RSPO4: variants seen among roughly 807,000 people sequenced by gnomAD.
The protein encoded by RSPO4 is R-spondin-4.
Under a neutral mutation model 24.8 loss-of-function variants are expected in RSPO4, and 23 were observed. That is an observed-to-expected ratio of 0.93 (90% confidence interval 0.67 to 1.31). The LOEUF is 1.31. RSPO4 is among the 40% of genes most tolerant of loss of function. RSPO4 has a pLI of 0.00. For missense variants in RSPO4, 333 were observed against 316.5 expected, an observed-to-expected ratio of 1.05 and a Z score of -0.39; for synonymous variants, 141 against 127.4, an observed-to-expected ratio of 1.11 and a Z score of -0.72.
chr20:963,909 C>A, intron 4 of RSPO4, 26 bp downstream of exon 4: 2 of 1,611,860 alleles, frequency 1.2e-6, no homozygotes, highest in East Asian at 2.2e-5. Context: ...CCCACCGCAG[C>A]CTCGTGTGCC....
chr20:989,404 A>G (rs1041577603), intron 1 of RSPO4, among the ~76,000 whole-genome samples: 3 of 152,188 alleles, frequency 2.0e-5, no homozygotes, highest in African/African-American at 7.2e-5. Flanking sequence ...TAACCTGCGG[A>G]GCACCTGGCT....
intron 1 of RSPO4, among the ~76,000 whole-genome samples, chr20:983,139 C>T (rs1027283861): frequency 8.5e-5 from 13 of 152,220 alleles, no homozygotes; most frequent in African/African-American, 2.9e-4. Flanking sequence ...TGCAAACGAC[C>T]TTCTTCACTT....
intron 4 of RSPO4, among the ~76,000 whole-genome samples, chr20:961,456 G>A (rs903920010): frequency 1.3e-5 from 2 of 152,176 alleles, no homozygotes; most frequent in Non-Finnish European, 2.9e-5. Context: ...CTATGTGCCC[G>A]TCTCCCCAAG....
Position 959,171 on chromosome 20 carries a change from A to G in RSPO4, c.*1186T>C, listed in dbSNP as rs6108208. The G allele has an allele frequency of 0.073, 8,134 of 110,990 alleles. 298 individuals carry two copies. The highest frequency in any genetic ancestry group is 0.13 in the African/African-American group (3,237 of 25,596). The allele number at this position is 110,990 out of a possible 1,614,324, so 6.9% of individuals were successfully genotyped here. On this transcript the variant is annotated 3_prime_UTR_variant, in exon 5 of 5. Coordinates refer to ENST00000217260, the MANE Select transcript of RSPO4 (RefSeq NM_001029871.4). ...GGCGAGTGCGGTGATGGGTGTGGGC[A>G]AGTGTGGGGGTGGGTGTCAGCGTGT...
At position 1,002,081 on chromosome 20, in the gene RSPO4, T is replaced by C; in HGVS notation, c.79+5A>G. On this transcript the variant is annotated splice_donor_5th_base_variant and intron_variant, in intron 1 of 4. Coordinates refer to ENST00000217260, the MANE Select transcript of RSPO4 (RefSeq NM_001029871.4). The surrounding 1 kb of genome is among the most constrained non-coding windows in gnomAD (Gnocchi z 4.6). ...CCGGCCGCCCTGCCCAGCCACCCCT[T>C]GTACCTTGCTTCTTCCTTCGGTTCA... is the stretch of plus-strand genomic sequence containing the variant. 1.3e-6 allele frequency: 2 copies of C among 1,554,116 alleles called. No individual in the cohort carries two copies. The highest frequency in any genetic ancestry group is 2.4e-5 in the South Asian group (2 of 84,476).
intron 1 of RSPO4, among the ~76,000 whole-genome samples, chr20:989,464 G>A (rs2122258316): frequency 6.6e-6 from 1 of 152,364 alleles, no homozygotes; most frequent in East Asian, 1.9e-4. Flanking sequence ...GGATCCTAAG[G>A]TTGTGGGCAA....
intron 1 of RSPO4, among the ~76,000 whole-genome samples, chr20:976,627 G>A (rs942596635): frequency 2.6e-5 from 4 of 151,610 alleles, no homozygotes; most frequent in Admixed American, 6.6e-5. Flanking sequence ...GCCATATCAT[G>A]CCTTCCATCT....
At chr20:975,673 G>A (rs759398754) in intron 1 of RSPO4, among the ~76,000 whole-genome samples, 3 of 152,138 alleles carry the variant, frequency 2.0e-5, no homozygotes. Flanking sequence ...ATTAACCCAG[G>A]GTTGAGTGAT....
intron 1 of RSPO4, among the ~76,000 whole-genome samples, chr20:986,655 G>A (rs1342199036): frequency 9.4e-6 from 1 of 106,868 alleles, no homozygotes; most frequent in Non-Finnish European, 1.7e-5. Context: ...CATTGGGGGT[G>A]GGGGGTGGGG....
In RSPO4 at chr20:1,002,233, G is replaced by C; in HGVS notation, c.-69C>G. On this transcript the variant is annotated 5_prime_UTR_variant, in exon 1 of 5. Transcript: ENST00000217260. This position sits in a 1 kb window ranked among gnomAD's most constrained non-coding sequence, Gnocchi z 4.6. ...GGCCCAAGGGCCCCACGTCCCGGCG[G>C]CGGCACGGCGGGCGCGGGGGCTGCT... The C allele has an allele frequency of 8.7e-7, 1 of 1,148,486 alleles. No homozygotes were observed. Among genetic ancestry groups the C allele is most frequent in the Non-Finnish European group, 1.1e-6 (1 of 888,934 alleles). 71.1% of individuals were successfully genotyped at this position (1,148,486 alleles called of 1,614,324 possible).
intron 1 of RSPO4, among the ~76,000 whole-genome samples, chr20:992,777 G>A (rs139641559): frequency 6.6e-6 from 1 of 152,272 alleles, no homozygotes; most frequent in Non-Finnish European, 1.5e-5. Flanking sequence ...GTGGCACCAG[G>A]CCCTTTTAAC....
Position 970,698 on chromosome 20 carries a change from T to A in RSPO4, c.80-2560A>T, listed in dbSNP as rs1358890241. ...CTTCTCACTCAGCAAAAGATTCAGATTCTGATACTACCCAGAGCTGGCAAG... is the reference window on the plus strand; with the variant it reads ...CTTCTCACTCAGCAAAAGATTCAGAATCTGATACTACCCAGAGCTGGCAAG... On this transcript the variant is annotated intron_variant, in intron 1 of 4. Coordinates refer to ENST00000217260, the MANE Select transcript of RSPO4 (RefSeq NM_001029871.4). This position sits in a 1 kb window ranked among gnomAD's most constrained non-coding sequence, Gnocchi z 4.1. 6.6e-6 allele frequency among the ~76,000 whole-genome samples: 1 copy of A among 152,162 alleles called. No individual in the cohort carries two copies. Among genetic ancestry groups the A allele is most frequent in the East Asian group, 1.9e-4 (1 of 5,198 alleles).
intron 1 of RSPO4, among the ~76,000 whole-genome samples, chr20:994,588 G>A (rs1442053448): frequency 6.6e-6 from 1 of 152,106 alleles, no homozygotes; most frequent in African/African-American, 2.4e-5. Context: ...ACGAAGTCTT[G>A]TTCTGTCACC....
At chr20:987,274 G>A (rs1415225024) in intron 1 of RSPO4, among the ~76,000 whole-genome samples, 1 of 152,146 alleles carries the variant, frequency 6.6e-6, no homozygotes, top group Non-Finnish European at 1.5e-5. Context: ...CCCTGCTCTG[G>A]GCCTGAGGAT....
At chr20:978,573 C>T (rs1179098400) in intron 1 of RSPO4, among the ~76,000 whole-genome samples, 1 of 152,182 alleles carries the variant, frequency 6.6e-6, no homozygotes, top group Admixed American at 6.5e-5. Context: ...TTCTCAAAAA[C>T]TGCTCTCAGG....
intron 1 of RSPO4, among the ~76,000 whole-genome samples, chr20:995,597 G>A (rs1985253274): frequency 6.6e-6 from 1 of 152,160 alleles, no homozygotes; most frequent in African/African-American, 2.4e-5. Context: ...GATTCAGGGC[G>A]ATTAGAAACA....
At chr20:983,197 C>T (rs569061369) in intron 1 of RSPO4, among the ~76,000 whole-genome samples, 17 of 152,196 alleles carry the variant, frequency 1.1e-4, no homozygotes, top group African/African-American at 3.9e-4. Context: ...GGAATTAGGA[C>T]CTTTGCTCCT....
chr20:966,159 CCAT>C (rs1984190237), intron 3 of RSPO4, among the ~76,000 whole-genome samples: 1 of 152,060 alleles, frequency 6.6e-6, no homozygotes, highest in South Asian at 2.1e-4. Flanking sequence ...GAGTCAGGGG[CCAT>C]CAGCAGCTGG....
chr20:970,708 A>T lies in RSPO4; in HGVS notation c.80-2570T>A, dbSNP rs149849711. On this transcript the variant is annotated intron_variant, in intron 1 of 4. Transcript: ENST00000217260. The surrounding 1 kb of genome is among the most constrained non-coding windows in gnomAD (Gnocchi z 4.1). ...AGCAAAAGATTCAGATTCTGATACT[A>T]CCCAGAGCTGGCAAGAATGAGAGGA... Among the ~76,000 whole-genome samples, 4 of 152,294 alleles carry T rather than the reference A, an allele frequency of 2.6e-5. No homozygotes were observed. The highest frequency in any genetic ancestry group is 9.6e-5 in the African/African-American group (4 of 41,556).
Sources: allele counts gnomAD v4.1 joint callset (sites outside exome capture counted in the v4.1 genomes callset), GRCh38; gene constraint gnomAD v4.1.1; non-coding constraint Gnocchi (gnomAD v3.1); transcripts MANE v1.5; gene names NCBI Gene and HGNC (gene_info 2026-07-23, HGNC 2026-07-21).